The following ESRRB variants were observed in gnomAD, a reference collection of about 807,000 sequenced individuals.
The protein encoded by ESRRB is estrogen related receptor beta, also known as steroid hormone receptor ERR2.
In ESRRB, 16 loss-of-function variants were observed where a neutral mutation model predicts 46.0. The ratio of observed to expected loss-of-function variants is 0.35; its 90% CI spans 0.24 to 0.53. ESRRB has a LOEUF of 0.53. ESRRB is among the 20% of genes least tolerant of loss of function. ESRRB has a pLI of 0.93. For missense variants in ESRRB, 488 were observed against 607.4 expected (o/e 0.80, Z 2.07); for synonymous variants, 246 against 259.6 (o/e 0.95, Z 0.50).
intron 1 of ESRRB, among the ~76,000 whole-genome samples, chr14:76,418,014 G>T (rs189186646): frequency 6.8e-6 from 1 of 146,550 alleles, no homozygotes; most frequent in Admixed American, 7.0e-5. Flanking sequence ...GGAGTGCAGA[G>T]ACACAATCTT....
intron 1 of ESRRB, among the ~76,000 whole-genome samples, chr14:76,381,522 G>C (rs1477426641): frequency 1.1e-4 from 16 of 152,184 alleles, no homozygotes; most frequent in Admixed American, 1.0e-3. Context: ...CTGTCACCCT[G>C]GGCAGCAGGC....
At chr14:76,409,350 T>A (rs928938307) in intron 1 of ESRRB, among the ~76,000 whole-genome samples, 1 of 151,886 alleles carries the variant, frequency 6.6e-6, no homozygotes, top group Admixed American at 6.6e-5. Context: ...GTGGGTTAAG[T>A]TTGAAAGGAG....
At chr14:76,477,686 C>G (rs1262402323) in intron 3 of ESRRB, among the ~76,000 whole-genome samples, 1 of 152,194 alleles carries the variant, frequency 6.6e-6, no homozygotes, top group Non-Finnish European at 1.5e-5. Context: ...GCAAGGGGAA[C>G]AGACACATTT....
intron 1 of ESRRB, among the ~76,000 whole-genome samples, chr14:76,345,324 C>T (rs559371604): frequency 7.3e-5 from 11 of 151,622 alleles, no homozygotes; most frequent in South Asian, 2.1e-4. Context: ...GAATCTACAA[C>T]GAACTCAAAC....
intron 1 of ESRRB, among the ~76,000 whole-genome samples, chr14:76,352,862 G>C (rs1442613914): frequency 6.6e-6 from 1 of 152,166 alleles, no homozygotes; most frequent in Non-Finnish European, 1.5e-5. Flanking sequence ...GCCCCCACGC[G>C]CACACAGGCG....
chr14:76,328,230 G>C (rs568764926), intron 1 of ESRRB, among the ~76,000 whole-genome samples: 21 of 152,316 alleles, frequency 1.4e-4, no homozygotes, highest in African/African-American at 5.1e-4. Flanking sequence ...TCACCTCCTG[G>C]GGTGAACTGC....
intron 2 of ESRRB, among the ~76,000 whole-genome samples, chr14:76,449,588 C>G (rs149991214): frequency 1.1e-4 from 16 of 151,902 alleles, no homozygotes; most frequent in African/African-American, 3.4e-4. Flanking sequence ...TTATTTACTC[C>G]CTTTGTAGTG....
chr14:76,385,648 C>T (rs1167763179), intron 1 of ESRRB, among the ~76,000 whole-genome samples: 1 of 152,150 alleles, frequency 6.6e-6, no homozygotes, highest in Non-Finnish European at 1.5e-5. Context: ...GGGTTCCTAC[C>T]CACTGCTCTC....
At chr14:76,410,944 C>T (rs141789463) in intron 1 of ESRRB, among the ~76,000 whole-genome samples, 1,799 of 151,754 alleles carry the variant, frequency 0.012, 34 homozygotes, top group African/African-American at 0.041. Context: ...CCACCAAGCC[C>T]GGCTAATTTT....
intron 5 of ESRRB, 124 bp from the exon 6 acceptor site, chr14:76,491,323 A>G: frequency 1.1e-6 from 1 of 890,264 alleles, no homozygotes; most frequent in Non-Finnish European, 1.7e-6. Flanking sequence ...GGCAGGATCC[A>G]GGGGTGCCAG....
Position 76,376,804 on chromosome 14 carries a change from G to C in ESRRB, c.50+353G>C, listed in dbSNP as rs1279164854. Among the ~76,000 whole-genome samples the C allele has an allele frequency of 6.6e-6, 1 of 152,210 alleles. No homozygotes were observed. The highest frequency in any genetic ancestry group is 1.5e-5 in the Non-Finnish European group (1 of 68,026). On this transcript the variant is annotated intron_variant, in intron 1 of 6. Transcript: ENST00000644823. This position sits in a 1 kb window ranked among gnomAD's most constrained non-coding sequence, Gnocchi z 4.1. ...AGAAGGGAGGCAGAAGCCCAGAACAGGTGCAGGGATGTGGTTGCAAGGATG... is the reference window on the plus strand; with the variant it reads ...AGAAGGGAGGCAGAAGCCCAGAACACGTGCAGGGATGTGGTTGCAAGGATG...
intron 1 of ESRRB, among the ~76,000 whole-genome samples, chr14:76,409,957 C>T (rs941607567): frequency 4.6e-5 from 7 of 152,162 alleles, no homozygotes. Flanking sequence ...GGCCTGGTGG[C>T]TCAGTCCTGT....
chr14:76,363,856 G>C (rs1384348812), intron 1 of ESRRB, among the ~76,000 whole-genome samples: 1 of 152,228 alleles, frequency 6.6e-6, no homozygotes, highest in Non-Finnish European at 1.5e-5. Context: ...GAGAGGACAG[G>C]TTTGGGGTGA....
chr14:76,329,353 C>G (rs1566852332), intron 1 of ESRRB, among the ~76,000 whole-genome samples: 1 of 152,120 alleles, frequency 6.6e-6, no homozygotes, highest in Non-Finnish European at 1.5e-5. Flanking sequence ...TCTCTGTGTG[C>G]CAGTTCCCCA....
rs759765679 is a variant in ESRRB, at chr14:76,491,733, G to A, written c.1120+17G>A. 1.0e-5 allele frequency: 16 copies of A among 1,561,028 alleles called. No individual in the cohort carries two copies. Among genetic ancestry groups the A allele is most frequent in the Non-Finnish European group, 1.3e-5 (15 of 1,152,932 alleles). On this transcript the variant is annotated intron_variant, in intron 6 of 6. Transcript: ENST00000644823. Reference sequence around the variant, plus strand: ...CCAACTCCGGTAAGGGCGGCGGCGGGGCCTGGAAGGGGAGCTTCTAGGGCT... The same window carrying A: ...CCAACTCCGGTAAGGGCGGCGGCGGAGCCTGGAAGGGGAGCTTCTAGGGCT...
chr14:76,422,271 C>T (rs900989024), intron 1 of ESRRB, among the ~76,000 whole-genome samples: 3 of 140,616 alleles, frequency 2.1e-5, no homozygotes, highest in Non-Finnish European at 4.5e-5. Context: ...AGTACAGTGG[C>T]GCAATCTCAG....
chr14:76,417,944 CTT>C (rs869242837), intron 1 of ESRRB, among the ~76,000 whole-genome samples: 1,188 of 91,324 alleles, frequency 0.013, 7 homozygotes, highest in Non-Finnish European at 0.016. Flanking sequence ...CTTTTACATA[CTT>C]TTTTTTTTTT....
intron 1 of ESRRB, among the ~76,000 whole-genome samples, chr14:76,350,840 C>A (rs1275124732): frequency 1.3e-5 from 2 of 152,176 alleles, no homozygotes; most frequent in Non-Finnish European, 2.9e-5. Flanking sequence ...TCTGCCCTGT[C>A]CTTCGGCAGG....
chr14:76,342,990 G>T (rs1884209295), intron 1 of ESRRB, among the ~76,000 whole-genome samples: 1 of 152,218 alleles, frequency 6.6e-6, no homozygotes, highest in Non-Finnish European at 1.5e-5. Flanking sequence ...TGAACAAGGT[G>T]ATGGAGTGGA....
Sources: allele counts gnomAD v4.1 joint callset (sites outside exome capture counted in the v4.1 genomes callset), GRCh38; gene constraint gnomAD v4.1.1; non-coding constraint Gnocchi (gnomAD v3.1); transcripts MANE v1.5; gene names NCBI Gene and HGNC (gene_info 2026-07-23, HGNC 2026-07-21).